Variants in SRD5A3 observed in about 807,000 individuals in gnomAD.
SRD5A3 encodes polyprenal reductase.
A neutral mutation model predicts 34.3 loss-of-function variants in SRD5A3; 24 were observed. That is an observed-to-expected ratio of 0.70 (90% CI 0.51 to 0.99). SRD5A3 has a LOEUF of 0.99. Among genes scored for constraint, SRD5A3 ranks in the 50% least tolerant of loss-of-function variants. The pLI is 0.00. For missense variants in SRD5A3, 350 were observed against 388.2 expected, an observed-to-expected ratio of 0.90 and a Z score of 0.83; for synonymous variants, 161 against 167.3, an observed-to-expected ratio of 0.96 and a Z score of 0.29.
intron 1 of SRD5A3, among the ~76,000 whole-genome samples, chr4:55,358,684 G>A (rs1173738938): frequency 6.6e-6 from 1 of 151,962 alleles, no homozygotes; most frequent in African/African-American, 2.4e-5. Context: ...TGGTTTTGTG[G>A]TCCTATTTGT....
In SRD5A3 at chr4:55,372,999, G is replaced by T. The variant is rs1240169393; in HGVS notation, c.*2908G>T. On this transcript the variant is annotated 3_prime_UTR_variant, in exon 5 of 5. Transcript: ENST00000264228. ...GCTTAATAGATATTTAGTTTAAGGAGACTGCAACATTTGCATAAGGTGCCT... is the reference window on the plus strand; with the variant it reads ...GCTTAATAGATATTTAGTTTAAGGATACTGCAACATTTGCATAAGGTGCCT... 4 of 151,032 alleles carry T rather than the reference G, an allele frequency of 2.6e-5. No homozygotes were observed. The highest frequency in any genetic ancestry group is 2.1e-4 in the South Asian group (1 of 4,784). 9.4% of individuals were successfully genotyped at this position (151,032 alleles called of 1,614,324 possible). A position where few individuals can be genotyped will look rare whatever the true frequency, so the allele number is the denominator to read the frequency against.
In SRD5A3 at chr4:55,359,447, T is replaced by G; in HGVS notation, c.323T>G (p.Leu108Arg). The change falls in exon 2 of 5, where the codon CTT becomes CGT. Residue 108 changes from leucine (L) to arginine (R), a missense_variant. Leu to Arg is a moderately radical substitution (Grantham distance 102, BLOSUM62 -2). Around this residue, in one of 3 missense-constraint regions of SRD5A3, gnomAD observed 159 missense variants for 149.1 expected, o/e 1.07. Coordinates refer to ENST00000264228, the MANE Select transcript of SRD5A3 (RefSeq NM_024592.5). ...CTGGGAGCACCTTTTCCAAGCTGGC[T>G]TCATGGTTTGCTCAGAATTCTCGGG... Reference protein sequence around the residue: ...LFLGAPFPSWLHGLLRILGAA... With the variant: ...LFLGAPFPSWRHGLLRILGAA... 6.2e-7 allele frequency: 1 copy of G among 1,614,072 alleles called. No homozygotes were observed. The highest frequency in any genetic ancestry group is 8.5e-7 in the Non-Finnish European group (1 of 1,180,026).
intron 1 of SRD5A3, among the ~76,000 whole-genome samples, chr4:55,354,626 A>AT (rs1316707206): frequency 2.0e-5 from 3 of 152,100 alleles, no homozygotes; most frequent in African/African-American, 7.2e-5. Flanking sequence ...CTTTCCCCAG[A>AT]TAGCCACATG....
chr4:55,359,286 C>A (rs959409699), intron 1 of SRD5A3, 60 bp from the exon 2 acceptor site: 2 of 1,604,366 alleles, frequency 1.2e-6, no homozygotes, highest in African/African-American at 1.3e-5. Flanking sequence ...ATAATCTTCC[C>A]GTATAAGAGC....
chr4:55,353,844 T>C (rs1435607655), intron 1 of SRD5A3, among the ~76,000 whole-genome samples: 1 of 152,270 alleles, frequency 6.6e-6, no homozygotes, highest in East Asian at 1.9e-4. Flanking sequence ...GAACAAACTC[T>C]GGACACACCA....
At chr4:55,350,760 A>ATT (rs71194541) in intron 1 of SRD5A3, among the ~76,000 whole-genome samples, 2 of 95,404 alleles carry the variant, frequency 2.1e-5, no homozygotes, top group Admixed American at 1.1e-4. Context: ...CCATCATTAA[A>ATT]TTTTTTTTTT....
intron 2 of SRD5A3, among the ~76,000 whole-genome samples, chr4:55,360,514 T>A (rs551543427): frequency 9.2e-5 from 14 of 151,830 alleles, no homozygotes; most frequent in African/African-American, 2.9e-4. Context: ...CTCAAAAAAA[T>A]AAATAAATAA....
At chr4:55,364,376 C>T (rs1419313475) in intron 3 of SRD5A3, 105 bp downstream of exon 3, 3 of 1,310,410 alleles carry the variant, frequency 2.3e-6, no homozygotes, top group Admixed American at 1.9e-5. Flanking sequence ...AAGTAAGAGA[C>T]AGGCCCAATG....
At position 55,353,785 on chromosome 4, in the gene SRD5A3, A is replaced by G. The variant is rs185562865; in HGVS notation, c.222-5561A>G. Among the ~76,000 whole-genome samples the G allele has an allele frequency of 1.4e-3, 214 of 152,306 alleles. 1 individual carries two copies. Among genetic ancestry groups the G allele is most frequent in the African/African-American group, 4.6e-3 (193 of 41,572 alleles). On this transcript the variant is annotated intron_variant, in intron 1 of 4. Transcript: ENST00000264228. ...CTTCACTCCTGAAGTCAAGCGCAAC[A>G]CAAACCCACTGGAAGGAAGAAACTC...
chr4:55,370,305 C>T lies in SRD5A3; in HGVS notation c.*214C>T. ...CAAAGAATAAATACTAATGGCAGAT[C>T]TGCGATTTCTGGGTCCACTTTCTGA... On this transcript the variant is annotated 3_prime_UTR_variant, in exon 5 of 5. Coordinates refer to ENST00000264228, the MANE Select transcript of SRD5A3 (RefSeq NM_024592.5). 1.6e-6 allele frequency: 1 copy of T among 633,516 alleles called. No homozygotes were observed. The highest frequency in any genetic ancestry group is 2.7e-6 in the Non-Finnish European group (1 of 375,788). The allele number at this position is 633,516 out of a possible 1,614,324, so 39.2% of individuals were successfully genotyped here.
At chr4:55,354,081 A>T (rs1373419441) in intron 1 of SRD5A3, among the ~76,000 whole-genome samples, 2 of 152,162 alleles carry the variant, frequency 1.3e-5, no homozygotes, top group African/African-American at 2.4e-5. Flanking sequence ...AGTCTGTTCC[A>T]GCAGTCAGCA....
intron 3 of SRD5A3, chr4:55,365,633 T>G (rs1719862647): frequency 6.6e-6 from 1 of 152,282 alleles, no homozygotes; most frequent in African/African-American, 2.4e-5. Context: ...TTTCCTCTAC[T>G]GGCTGCGTCT....
At chr4:55,366,959 G>C (rs1719923220) in intron 3 of SRD5A3, 1 of 153,734 alleles carries the variant, frequency 6.5e-6, no homozygotes, top group African/African-American at 2.4e-5. Flanking sequence ...TCTCTCGACT[G>C]TTCTTTCTCA....
At chr4:55,358,236 G>C (rs1719541025) in intron 1 of SRD5A3, among the ~76,000 whole-genome samples, 2 of 152,072 alleles carry the variant, frequency 1.3e-5, no homozygotes, top group African/African-American at 4.8e-5. Context: ...GACCTCAAAA[G>C]AACCTATGAG....
At position 55,352,059 on chromosome 4, in the gene SRD5A3, A is replaced by C. The variant is rs185733460; in HGVS notation, c.221+5502A>C. The C allele has an allele frequency of 1.2e-4, 91 of 771,688 alleles. 1 individual carries two copies. In the Admixed American group the frequency reaches 1.3e-3, roughly 11 times the overall value. The allele number at this position is 771,688 out of a possible 1,614,324, so 47.8% of individuals were successfully genotyped here. ...TTGGTGATCCTTAGAGCCACTCCAT[A>C]CTTCTGCTCCAATTTCTCAATTTCA... On this transcript the variant is annotated intron_variant, in intron 1 of 4. Coordinates refer to ENST00000264228, the MANE Select transcript of SRD5A3 (RefSeq NM_024592.5).
intron 1 of SRD5A3, chr4:55,351,746 G>A (rs1719202315): frequency 2.3e-6 from 1 of 436,818 alleles, no homozygotes; most frequent in Non-Finnish European, 4.5e-6. Flanking sequence ...GCTCTTGCAT[G>A]TGTAATGAAC....
At chr4:55,368,396 TTTTATTTATTTA>T (rs57202577) in intron 4 of SRD5A3, among the ~76,000 whole-genome samples, 58 of 142,946 alleles carry the variant, frequency 4.1e-4, no homozygotes, top group African/African-American at 5.7e-4. Flanking sequence ...AATTGAATAG[TTTTATTTATTTA>T]TTTATTTATT....
intron 1 of SRD5A3, among the ~76,000 whole-genome samples, chr4:55,350,223 A>G (rs1370520094): frequency 6.6e-6 from 1 of 152,062 alleles, no homozygotes; most frequent in African/African-American, 2.4e-5. Context: ...TACAAAAATT[A>G]GCTGGGCATG....
intron 1 of SRD5A3, among the ~76,000 whole-genome samples, chr4:55,350,033 AGTCT>A (rs1347423294): frequency 2.6e-5 from 4 of 152,272 alleles, no homozygotes; most frequent in Non-Finnish European, 5.9e-5. Context: ...AGAACACTGT[AGTCT>A]TTCATCACTA....
Sources: gnomAD v4.1 joint callset for allele counts (sites outside exome capture counted in the v4.1 genomes callset) on GRCh38, gnomAD v4.1.1 for gene constraint, gnomAD v4.1.1 regional missense constraint, MANE v1.5 for transcripts, NCBI Gene and HGNC (gene_info 2026-07-23, HGNC 2026-07-21) for gene names.